Variants in SGTA observed in about 807,000 individuals in gnomAD.
SGTA encodes the protein small glutamine rich tetratricopeptide repeat co-chaperone alpha.
A neutral mutation model predicts 44.3 loss-of-function variants in SGTA; 22 were observed. The observed-to-expected ratio is 0.50, with a 90% confidence interval of 0.36 to 0.71. The LOEUF (loss-of-function observed/expected upper bound fraction) is 0.71. SGTA is among the 30% of genes least tolerant of loss of function. SGTA has a pLI of 0.00. For synonymous variants in SGTA, 174 were observed against 177.6 expected (o/e 0.98, Z 0.16); for missense variants, 341 against 435.9 (o/e 0.78, Z 1.94).
At chr19:2,772,211 G>C (rs1915328803) in intron 1 of SGTA, among the ~76,000 whole-genome samples, 1 of 152,228 alleles carries the variant, frequency 6.6e-6, no homozygotes, top group African/African-American at 2.4e-5. Flanking sequence ...ATTCAGGCTG[G>C]GTCAGACAGG....
intron 1 of SGTA, among the ~76,000 whole-genome samples, chr19:2,779,227 T>C (rs1599510351): frequency 1.3e-5 from 2 of 152,148 alleles, no homozygotes; most frequent in Non-Finnish European, 2.9e-5. Context: ...GAAAACCTTC[T>C]GCTTGTAGGC....
chr19:2,778,535 C>T (rs910609684), intron 1 of SGTA, among the ~76,000 whole-genome samples: 3 of 151,530 alleles, frequency 2.0e-5, no homozygotes, highest in African/African-American at 7.3e-5. Context: ...CAGAGAACCT[C>T]TTAGCCTCAG....
intron 1 of SGTA, among the ~76,000 whole-genome samples, chr19:2,780,681 G>A (rs1174164531): frequency 2.6e-5 from 4 of 151,298 alleles, no homozygotes; most frequent in Non-Finnish European, 4.4e-5. Flanking sequence ...ATCTGGCAGC[G>A]TCTAAACCCT....
chr19:2,772,199 G>A (rs953123054), intron 1 of SGTA, among the ~76,000 whole-genome samples: 1 of 152,336 alleles, frequency 6.6e-6, no homozygotes, highest in Admixed American at 6.5e-5. Context: ...TCAGACGCTC[G>A]GATTCAGGCT....
chr19:2,776,958 G>A (rs1297745248), intron 1 of SGTA, among the ~76,000 whole-genome samples: 4 of 148,432 alleles, frequency 2.7e-5, no homozygotes, highest in Admixed American at 1.3e-4. Flanking sequence ...GCAAAACTCC[G>A]TCTCAAAAAA....
chr19:2,775,185 A>C (rs1269754233), intron 1 of SGTA, among the ~76,000 whole-genome samples: 3 of 152,224 alleles, frequency 2.0e-5, no homozygotes, highest in Admixed American at 2.0e-4. Context: ...GTGTTCACTC[A>C]AGGCCACTGG....
intron 2 of SGTA, among the ~76,000 whole-genome samples, 163 bp downstream of exon 2, chr19:2,768,806 C>T (rs757299089): frequency 3.5e-4 from 54 of 152,324 alleles, no homozygotes; most frequent in Non-Finnish European, 4.9e-4. Context: ...CTCCCACGGC[C>T]GGGGGCTGTG....
At chr19:2,760,410 C>T (rs549904735) in intron 8 of SGTA, among the ~76,000 whole-genome samples, 46 of 145,222 alleles carry the variant, frequency 3.2e-4, no homozygotes, top group Non-Finnish European at 4.9e-4. Context: ...CCCAGCTACT[C>T]GGGAGGCTGA....
intron 8 of SGTA, among the ~76,000 whole-genome samples, chr19:2,759,972 A>AAAAT (rs989417612): frequency 2.8e-4 from 42 of 152,102 alleles, no homozygotes; most frequent in African/African-American, 7.2e-4. Flanking sequence ...AAAAGAAGTA[A>AAAAT]AAATAAATAA....
Position 2,767,351 on chromosome 19 carries a change from T to TGGCCCCCC in SGTA, c.208-139_208-132dup. On this transcript the variant is annotated intron_variant, in intron 3 of 11. Coordinates refer to ENST00000221566, the MANE Select transcript of SGTA (RefSeq NM_003021.4). This position sits in a 1 kb window ranked among gnomAD's most constrained non-coding sequence, Gnocchi z 7.3. Reference sequence around the variant, plus strand: ...ACCCGGGGGCTCTGCAGGGGACTCCTGGCCCCCCATCATGTGGCCCTGGGC... The same window carrying TGGCCCCCC: ...ACCCGGGGGCTCTGCAGGGGACTCCTGGCCCCCCGGCCCCCCATCATGTGGCCCTGGGC... 1.3e-6 allele frequency: 1 copy of TGGCCCCCC among 754,270 alleles called. No homozygotes were observed. The allele number at this position is 754,270 out of a possible 1,614,324, so 46.7% of individuals were successfully genotyped here.
At chr19:2,773,667 A>G (rs544228810) in intron 1 of SGTA, among the ~76,000 whole-genome samples, 21 of 22,198 alleles carry the variant, frequency 9.5e-4, no homozygotes, top group South Asian at 4.2e-3. Flanking sequence ...GAGGGCAGAG[A>G]TGGGTGACGC....
rs562589215 is a variant in SGTA, at chr19:2,777,087, C to A, written c.-24+6146G>T. On this transcript the variant is annotated intron_variant, in intron 1 of 11. Transcript: ENST00000221566. ...AGACCAGCCTGACCAACAGGTGAAA[C>A]CCAGTGTACAAAAAATAGCCGGTCG... 1.9e-4 allele frequency among the ~76,000 whole-genome samples: 29 copies of A among 151,252 alleles called. No homozygotes were observed. In the East Asian group the frequency reaches 5.6e-3, roughly 29 times the overall value.
chr19:2,781,783 T>A (rs1318002894), intron 1 of SGTA, among the ~76,000 whole-genome samples: 2 of 152,050 alleles, frequency 1.3e-5, no homozygotes, highest in East Asian at 1.9e-4. Context: ...TGTACACGAT[T>A]TCCCGGGCCC....
chr19:2,755,232 C>G lies in SGTA; in HGVS notation c.*708G>C, dbSNP rs1281109124. ...TGATGTCGCCCCTGGCTCTCAGTCG[C>G]GAGGACCAGAAAATGAGGGTGGGAG... On this transcript the variant is annotated 3_prime_UTR_variant, in exon 12 of 12. Coordinates refer to ENST00000221566, the MANE Select transcript of SGTA (RefSeq NM_003021.4). The surrounding 1 kb of genome is among the most constrained non-coding windows in gnomAD (Gnocchi z 5.2). 5.0e-6 allele frequency: 1 copy of G among 201,072 alleles called. No homozygotes were observed. The highest frequency in any genetic ancestry group is 1.7e-4 in the South Asian group (1 of 5,816). 12.5% of individuals were successfully genotyped at this position (201,072 alleles called of 1,614,324 possible).
chr19:2,758,851 G>A (rs1363047860), intron 9 of SGTA, among the ~76,000 whole-genome samples: 1 of 152,226 alleles, frequency 6.6e-6, no homozygotes, highest in Non-Finnish European at 1.5e-5. Flanking sequence ...GCACCTTGAG[G>A]ACGTCACGCT....
intron 1 of SGTA, among the ~76,000 whole-genome samples, chr19:2,780,381 C>T (rs956236241): frequency 3.9e-5 from 6 of 152,158 alleles, no homozygotes; most frequent in Non-Finnish European, 5.9e-5. Flanking sequence ...CTCCCCACAT[C>T]GAAGCCTACT....
At chr19:2,756,247 A>T (rs201349097) in intron 11 of SGTA, among the ~76,000 whole-genome samples, 42 of 148,584 alleles carry the variant, frequency 2.8e-4, no homozygotes, top group East Asian at 2.6e-3. Flanking sequence ...AAGCTTATTT[A>T]AAAAAAAAAG....
Position 2,757,750 on chromosome 19 carries a change from G to C in SGTA, c.770C>G (p.Pro257Arg). ...MSGMISGGNN[P>R]LGTPGTSPSQ... Reference sequence around the variant, plus strand: ...GGGGCTGGTGCCGGGAGTTCCCAAGGGGTTGTTGCCACCCGAAATCATGCC... The same window carrying C: ...GGGGCTGGTGCCGGGAGTTCCCAAGCGGTTGTTGCCACCCGAAATCATGCC... Residue 257 changes from proline (P) to arginine (R), a missense_variant, in exon 10 of 12, where the codon CCC (proline) becomes CGC (arginine). By Grantham distance (103) the Pro-to-Arg change is moderately radical (BLOSUM62 -2). Transcript: ENST00000221566. 6.2e-7 allele frequency: 1 copy of C among 1,604,628 alleles called. No individual in the cohort carries two copies. The highest frequency in any genetic ancestry group is 8.5e-7 in the Non-Finnish European group (1 of 1,176,074).
At position 2,757,465 on chromosome 19, in the gene SGTA, G is replaced by A; in HGVS notation, c.828-8C>T. 2 of 1,606,522 alleles carry A rather than the reference G, an allele frequency of 1.2e-6. No individual in the cohort carries two copies. Among genetic ancestry groups the A allele is most frequent in the Non-Finnish European group, 1.7e-6 (2 of 1,179,768 alleles). ...TGGGCAAACTGCTGGCCCCTGCGGGGAAGGGCACATGGGGCTCAGCCAGGG... is the reference window on the plus strand; with the variant it reads ...TGGGCAAACTGCTGGCCCCTGCGGGAAAGGGCACATGGGGCTCAGCCAGGG... On this transcript the variant is annotated splice_region_variant and splice_polypyrimidine_tract_variant and intron_variant, in intron 10 of 11. Coordinates refer to ENST00000221566, the MANE Select transcript of SGTA (RefSeq NM_003021.4).
Sources: allele counts gnomAD v4.1 joint callset (sites outside exome capture counted in the v4.1 genomes callset), GRCh38; gene constraint gnomAD v4.1.1; non-coding constraint Gnocchi (gnomAD v3.1); transcripts MANE v1.5; gene names NCBI Gene and HGNC (gene_info 2026-07-23, HGNC 2026-07-21).